The following EML6 variants were observed in gnomAD, a reference collection of about 807,000 sequenced individuals.
The protein encoded by EML6 is echinoderm microtubule-associated protein-like 6.
A neutral mutation model predicts 240.1 loss-of-function variants in EML6; 154 were observed. The ratio of observed to expected loss-of-function variants is 0.64; its 90% CI spans 0.56 to 0.73. The LOEUF is 0.73. EML6 is among the 30% of genes least tolerant of loss of function. EML6 has a pLI of 0.00. For missense variants in EML6, 2,964 were observed against 2,474.6 expected, an observed-to-expected ratio of 1.20 and a Z score of -4.20; for synonymous variants, 1,148 against 899.0, an observed-to-expected ratio of 1.28 and a Z score of -4.95.
intron 16 of EML6, among the ~76,000 whole-genome samples, chr2:54,874,600 T>G (rs1296678231): frequency 6.6e-6 from 1 of 152,220 alleles, no homozygotes; most frequent in Non-Finnish European, 1.5e-5. Context: ...GAAAGGAATC[T>G]GATAGTTTTA....
At chr2:54,821,692 A>G (rs895254156) in intron 5 of EML6, among the ~76,000 whole-genome samples, 15 of 152,170 alleles carry the variant, frequency 9.9e-5, no homozygotes, top group Non-Finnish European at 2.9e-5. Flanking sequence ...AAATAAAAAA[A>G]GCTGAAAAAT....
chr2:54,828,211 C>T (rs1378886215), intron 6 of EML6, among the ~76,000 whole-genome samples: 1 of 152,194 alleles, frequency 6.6e-6, no homozygotes, highest in African/African-American at 2.4e-5. Flanking sequence ...TTTCCTCATT[C>T]TTTATGTTGA....
At position 54,928,374 on chromosome 2, in the gene EML6, G is replaced by A; in HGVS notation, c.3737G>A (p.Trp1246Ter). The change falls in exon 27 of 42, where the codon TGG (tryptophan) becomes TAG (stop). Residue 1246 changes from tryptophan to a stop codon, truncating the protein, a stop_gained. Coordinates refer to ENST00000356458, the MANE Select transcript of EML6 (RefSeq NM_001039753.4). LOFTEE classifies it high-confidence loss of function. ...GHSAHVTNVR[W>*]LHNDSVLLTV... ...AGTGCACATGTCACTAACGTGAGGT[G>A]GCTGCACAATGACTCTGTGCTGCTC... The A allele has an allele frequency of 6.4e-7, 1 of 1,552,018 alleles. No homozygotes were observed. Among genetic ancestry groups the A allele is most frequent in the Non-Finnish European group, 8.7e-7 (1 of 1,147,066 alleles).
intron 2 of EML6, among the ~76,000 whole-genome samples, chr2:54,789,677 AC>A (rs1669320288): frequency 6.6e-6 from 1 of 152,104 alleles, no homozygotes; most frequent in South Asian, 2.1e-4. Context: ...TGGATGCTTT[AC>A]AAACTCTACC....
intron 17 of EML6, among the ~76,000 whole-genome samples, chr2:54,890,180 C>T (rs1397417554): frequency 6.6e-6 from 1 of 152,044 alleles, no homozygotes; most frequent in Non-Finnish European, 1.5e-5. Context: ...TTAATATGAT[C>T]AATTGTATTA....
Position 54,827,901 on chromosome 2 carries a change from C to T in EML6, c.711+150C>T, listed in dbSNP as rs559206300. On this transcript the variant is annotated intron_variant, in intron 6 of 41. Transcript: ENST00000356458. The stretch of plus-strand genomic sequence containing the variant: ...GATAATTTCCCATATTACATTTGCT[C>T]ACCTAAAGGAAAATATATTTCAAAA... 8.3e-6 allele frequency: 5 copies of T among 604,370 alleles called. No individual in the cohort carries two copies. The South Asian group carries it at 1.1e-4, about 14-fold the overall frequency. 37.4% of individuals were successfully genotyped at this position (604,370 alleles called of 1,614,324 possible). A position where few individuals can be genotyped will look rare whatever the true frequency, so the allele number is the denominator to read the frequency against.
intron 32 of EML6, among the ~76,000 whole-genome samples, chr2:54,956,225 G>T (rs1194818415): frequency 4.1e-5 from 6 of 147,268 alleles, no homozygotes; most frequent in Non-Finnish European, 7.5e-5. Context: ...TTGAAAAAAT[G>T]TGCAACTCAT....
chr2:54,928,389 C>T lies in EML6; in HGVS notation c.3752C>T (p.Ser1251Phe). The change falls in exon 27 of 42, where the codon TCT (serine) becomes TTT (phenylalanine). Residue 1251 changes from serine (S) to phenylalanine (F), a missense_variant. Ser to Phe is a radical substitution (Grantham distance 155, BLOSUM62 -2). Coordinates refer to ENST00000356458, the MANE Select transcript of EML6 (RefSeq NM_001039753.4). ...VTNVRWLHND[S>F]VLLTVGGADT... ...AACGTGAGGTGGCTGCACAATGACT[C>T]TGTGCTGCTCACGGTGGGCGGCGCC... 2 of 1,551,734 alleles carry T rather than the reference C, an allele frequency of 1.3e-6. No homozygotes were observed. The highest frequency in any genetic ancestry group is 8.7e-7 in the Non-Finnish European group (1 of 1,146,858).
At chr2:54,935,579 G>T (rs1273560638) in intron 28 of EML6, among the ~76,000 whole-genome samples, 1 of 152,206 alleles carries the variant, frequency 6.6e-6, no homozygotes, top group East Asian at 1.9e-4. Context: ...CAATTTTGAT[G>T]AGTCACAGTT....
intron 2 of EML6, among the ~76,000 whole-genome samples, chr2:54,777,097 C>T (rs1459973701): frequency 1.1e-4 from 17 of 152,202 alleles, no homozygotes; most frequent in African/African-American, 3.9e-4. Flanking sequence ...CTGTCCACAT[C>T]GCCCTGTGAG....
chr2:54,963,491 C>G (rs796875239), intron 36 of EML6, among the ~76,000 whole-genome samples: 1 of 152,134 alleles, frequency 6.6e-6, no homozygotes, highest in Middle Eastern at 3.2e-3. Context: ...TGTAATTTAC[C>G]CAAACACACC....
In EML6 at chr2:54,928,306, T is replaced by G; in HGVS notation, c.3676-7T>G. ...GCTGGGGTAATAACCAATTTCGGGCTTTACAGGGACAGCACGCAAGATTCA... is the reference window on the plus strand; with the variant it reads ...GCTGGGGTAATAACCAATTTCGGGCGTTACAGGGACAGCACGCAAGATTCA... On this transcript the variant is annotated splice_polypyrimidine_tract_variant and splice_region_variant and intron_variant, in intron 26 of 41. Transcript: ENST00000356458. 6.4e-7 allele frequency: 1 copy of G among 1,551,410 alleles called. No homozygotes were observed. The highest frequency in any genetic ancestry group is 8.7e-7 in the Non-Finnish European group (1 of 1,146,710).
intron 16 of EML6, among the ~76,000 whole-genome samples, chr2:54,879,125 C>G (rs1671682154): frequency 6.6e-6 from 1 of 152,146 alleles, no homozygotes; most frequent in Non-Finnish European, 1.5e-5. Context: ...ATCACAAAGC[C>G]AAGTGGTACC....
intron 7 of EML6, among the ~76,000 whole-genome samples, chr2:54,841,476 C>T (rs767796300): frequency 6.6e-6 from 1 of 152,010 alleles, no homozygotes; most frequent in African/African-American, 2.4e-5. Flanking sequence ...TGGATCCTCT[C>T]GGGACCACAG....
At chr2:54,943,177 C>T (rs1022121575) in intron 28 of EML6, among the ~76,000 whole-genome samples, 1 of 152,222 alleles carries the variant, frequency 6.6e-6, no homozygotes, top group Admixed American at 6.5e-5. Context: ...GCACGCATTC[C>T]ATCTTGGTGC....
chr2:54,871,548 T>C lies in EML6; in HGVS notation c.2287T>C (p.Cys763Arg), dbSNP rs758326124. 3.2e-6 allele frequency: 5 copies of C among 1,551,670 alleles called. No homozygotes were observed. The highest frequency in any genetic ancestry group is 4.4e-6 in the Non-Finnish European group (5 of 1,146,980). ...IHVWDTQTLK[C>R]LSLLKGQHQR... The stretch of plus-strand genomic sequence containing the variant: ...TGTGTGGGACACACAAACTCTAAAA[T>C]GTTTGTCGCTGTTGAAAGGACAACA... Residue 763 changes from cysteine to arginine, a missense_variant, in exon 16 of 42, where the codon TGT becomes CGT. Cys to Arg is a radical substitution (Grantham distance 180). Transcript: ENST00000356458.
At chr2:54,957,434 G>A (rs1676282259) in intron 32 of EML6, among the ~76,000 whole-genome samples, 1 of 151,954 alleles carries the variant, frequency 6.6e-6, no homozygotes, top group South Asian at 2.1e-4. Flanking sequence ...TCCTGTGGGG[G>A]GACGACTCCT....
At chr2:54,816,157 C>T (rs932103326) in intron 3 of EML6, among the ~76,000 whole-genome samples, 3 of 152,096 alleles carry the variant, frequency 2.0e-5, no homozygotes, top group African/African-American at 7.2e-5. Context: ...ATGACTGTTG[C>T]CTGTTTTTCA....
Position 54,844,100 on chromosome 2 carries a change from C to T in EML6, c.901C>T (p.Gln301Ter), listed in dbSNP as rs762271942. 6.4e-7 allele frequency: 1 copy of T among 1,551,396 alleles called. No homozygotes were observed. The change falls in exon 8 of 42, where the codon CAG (glutamine) becomes TAG (stop). Residue 301 changes from glutamine to a stop codon, truncating the protein, a stop_gained. Transcript: ENST00000356458. LOFTEE classifies it high-confidence loss of function. ...WKADRLLAGT[Q>*]DSEIFEVIVR... ...AGCAGACCGCCTTCTAGCAGGGACC[C>T]AGGACAGTGAGATATTTGAAGTGAT...
Sources: allele counts gnomAD v4.1 joint callset (sites outside exome capture counted in the v4.1 genomes callset), GRCh38; gene constraint gnomAD v4.1.1; transcripts MANE v1.5; gene names NCBI Gene and HGNC (gene_info 2026-07-23, HGNC 2026-07-21).